CCDC3: variants seen among roughly 807,000 people sequenced by gnomAD.
CCDC3 encodes coiled-coil domain-containing protein 3.
A neutral mutation model predicts 21.4 loss-of-function variants in CCDC3; 24 were observed. The observed-to-expected ratio is 1.12, with a 90% CI of 0.81 to 1.58. The LOEUF (loss-of-function observed/expected upper bound fraction) is 1.58. Ranked by LOEUF, CCDC3 falls within the 40% of genes most tolerant of loss-of-function variation. CCDC3 has a pLI of 0.00. For missense variants in CCDC3, 425 were observed against 360.9 expected, an observed-to-expected ratio of 1.18 and a Z score of -1.44; for synonymous variants, 186 against 166.0, an observed-to-expected ratio of 1.12 and a Z score of -0.93.
At chr10:12,933,945 T>G (rs11258069) in intron 2 of CCDC3, among the ~76,000 whole-genome samples, 14,701 of 126,712 alleles carry the variant, frequency 0.12, 749 homozygotes, top group African/African-American at 0.15. Flanking sequence ...ATTGATTTCT[T>G]CTCTAATTTT....
chr10:13,048,604 T>C (rs1469101878), intron 5 of CCDC3, among the ~76,000 whole-genome samples: 3 of 152,096 alleles, frequency 2.0e-5, no homozygotes, highest in Admixed American at 2.0e-4. Context: ...GAGACTCTCA[T>C]ATAATTGGGA....
At position 12,896,757 on chromosome 10, in the gene CCDC3, A is replaced by G. The variant is rs1834008344; in HGVS notation, c.*1659T>C. 6.5e-6 allele frequency: 1 copy of G among 152,754 alleles called. No individual in the cohort carries two copies. Among genetic ancestry groups the G allele is most frequent in the Non-Finnish European group, 1.5e-5 (1 of 68,138 alleles). 9.5% of individuals were successfully genotyped at this position (152,754 alleles called of 1,614,324 possible). ...GCTGACCATTCCCTTGCGGGGGCGC[A>G]AAACTGCTTTGAGGAAATGTCCCCA... On this transcript the variant is annotated 3_prime_UTR_variant, in exon 3 of 3. Transcript: ENST00000378825.
chr10:12,901,601 G>A (rs1263756538), intron 2 of CCDC3, among the ~76,000 whole-genome samples: 1 of 152,096 alleles, frequency 6.6e-6, no homozygotes, highest in African/African-American at 2.4e-5. Flanking sequence ...CAAAGTCTAC[G>A]TCTCAGGGAA....
chr10:13,024,324 G>A (rs1836188249), intron 5 of CCDC3, among the ~76,000 whole-genome samples: 1 of 151,986 alleles, frequency 6.6e-6, no homozygotes, highest in Non-Finnish European at 1.5e-5. Context: ...TGCACTAACA[G>A]ATCTCTTCAA....
intron 3 of CCDC3, among the ~76,000 whole-genome samples, chr10:13,075,961 C>A (rs2131443733): frequency 6.6e-6 from 1 of 152,254 alleles, no homozygotes; most frequent in East Asian, 1.9e-4. Context: ...TATCCAAAGG[C>A]TGAGGCAGGA....
intron 3 of CCDC3, among the ~76,000 whole-genome samples, chr10:13,076,420 G>C (rs1213737863): frequency 1.3e-5 from 2 of 152,192 alleles, no homozygotes; most frequent in African/African-American, 4.8e-5. Context: ...GAAACAGATT[G>C]ATAACCTTTA....
chr10:12,971,583 C>T (rs1835344773), intron 2 of CCDC3, among the ~76,000 whole-genome samples: 1 of 152,198 alleles, frequency 6.6e-6, no homozygotes, highest in Non-Finnish European at 1.5e-5. Flanking sequence ...CCCGCCATGC[C>T]ACAACCCCTG....
chr10:12,995,802 A>G (rs1386740367), intron 2 of CCDC3, among the ~76,000 whole-genome samples: 1 of 152,160 alleles, frequency 6.6e-6, no homozygotes, highest in Non-Finnish European at 1.5e-5. Context: ...ATTCTCCCCC[A>G]AGATCAACAT....
At chr10:12,946,192 T>C (rs1283963734) in intron 2 of CCDC3, among the ~76,000 whole-genome samples, 1 of 152,194 alleles carries the variant, frequency 6.6e-6, no homozygotes, top group East Asian at 1.9e-4. Context: ...CTTGATGTCA[T>C]GGCTTGTGAA....
At chr10:13,018,989 T>C (rs1589041770) in intron 5 of CCDC3, among the ~76,000 whole-genome samples, 1 of 151,918 alleles carries the variant, frequency 6.6e-6, no homozygotes. Context: ...ATCCCAGCAC[T>C]TTGGGAGGCC....
intron 5 of CCDC3, among the ~76,000 whole-genome samples, chr10:13,032,363 G>A (rs1281419345): frequency 6.6e-6 from 1 of 152,160 alleles, no homozygotes; most frequent in Non-Finnish European, 1.5e-5. Flanking sequence ...AGTTATTTAT[G>A]ACAAACCCAC....
intron 4 of CCDC3, among the ~76,000 whole-genome samples, chr10:13,057,390 G>A (rs573198794): frequency 6.6e-5 from 10 of 152,082 alleles, no homozygotes; most frequent in African/African-American, 2.4e-4. Flanking sequence ...AGTCATATGG[G>A]ACCATTTTCA....
rs1027379003 is a variant in CCDC3 at position 12,986,549 on chromosome 10, C to T, written c.549+11789G>A. Among the ~76,000 whole-genome samples, 23 of 152,208 alleles carry T rather than the reference C, an allele frequency of 1.5e-4. No individual in the cohort carries two copies. In the East Asian group the frequency reaches 1.5e-3, roughly 10 times the overall value. On this transcript the variant is annotated intron_variant, in intron 2 of 2. Transcript: ENST00000378825. ...CAGCACTTTGGGAGGCCAAGGCGGG[C>T]GGATCACAAGGTCAGGAGATGGAAA...
chr10:13,077,589 C>A (rs187002563), intron 3 of CCDC3, among the ~76,000 whole-genome samples: 1 of 152,104 alleles, frequency 6.6e-6, no homozygotes, highest in Admixed American at 6.5e-5. Flanking sequence ...GGAGGCATCA[C>A]GCTACCTGAC....
At position 13,032,837 on chromosome 10, in the gene CCDC3, A is replaced by G. The variant is rs182696743; in HGVS notation, c.-2+16837T>C. The stretch of plus-strand genomic sequence containing the variant: ...CTACAAAACACTGCTGAACGAAATA[A>G]AAGAGGACACAAACAAAGGGAAGAA... On this transcript the variant is annotated intron_variant, in intron 5 of 6. Transcript: ENST00000378839. 1.6e-3 allele frequency among the ~76,000 whole-genome samples: 242 copies of G among 152,340 alleles called. 1 individual carries two copies. Among genetic ancestry groups the G allele is most frequent in the Non-Finnish European group, 2.3e-3 (156 of 68,032 alleles).
intron 2 of CCDC3, among the ~76,000 whole-genome samples, chr10:12,945,427 A>C (rs940554445): frequency 4.6e-5 from 7 of 152,030 alleles, no homozygotes; most frequent in Admixed American, 6.6e-5. Context: ...GAAAAAAAAA[A>C]CCCCGAATGG....
chr10:12,970,259 C>T (rs573726154), intron 2 of CCDC3, among the ~76,000 whole-genome samples: 13 of 152,162 alleles, frequency 8.5e-5, no homozygotes, highest in African/African-American at 2.6e-4. Context: ...CTGCATATCG[C>T]GGCAACTACA....
chr10:12,950,154 C>T (rs1834986759), intron 2 of CCDC3, among the ~76,000 whole-genome samples: 1 of 152,200 alleles, frequency 6.6e-6, no homozygotes, highest in African/African-American at 2.4e-5. Flanking sequence ...CTTGCCCAAT[C>T]CAGACCACAT....
At chr10:13,037,748 G>A (rs1352907126) in intron 5 of CCDC3, among the ~76,000 whole-genome samples, 2 of 152,156 alleles carry the variant, frequency 1.3e-5, no homozygotes, top group Non-Finnish European at 2.9e-5. Flanking sequence ...GATTACCTGA[G>A]CTCTCCCACC....
Sources: allele counts gnomAD v4.1 joint callset (sites outside exome capture counted in the v4.1 genomes callset), GRCh38; gene constraint gnomAD v4.1.1; transcripts MANE v1.5; gene names NCBI Gene and HGNC (gene_info 2026-07-23, HGNC 2026-07-21).